Variants in NUDT3 observed in about 807,000 individuals in gnomAD.
NUDT3 encodes diphosphoinositol polyphosphate phosphohydrolase 1.
Under a neutral mutation model 23.6 loss-of-function variants are expected in NUDT3, and 9 were observed. The observed-to-expected ratio is 0.38, with a 90% CI of 0.23 to 0.66. The LOEUF is 0.66. Ranked by LOEUF, NUDT3 falls within the 30% of genes least tolerant of loss-of-function variation. The pLI is 0.52. For missense variants in NUDT3, 172 were observed against 218.5 expected (o/e 0.79, Z 1.34); for synonymous variants, 86 against 82.6 (o/e 1.04, Z -0.22).
At chr6:34,289,042 T>C (rs912341452) in intron 4 of NUDT3, 111 bp from the exon 5 acceptor site, 52 of 1,337,262 alleles carry the variant, frequency 3.9e-5, no homozygotes, top group Non-Finnish European at 4.6e-5. Context: ...ACACTTTTTT[T>C]CCTTACAAAA....
intron 1 of NUDT3, among the ~76,000 whole-genome samples, chr6:34,379,199 T>G (rs534729709): frequency 6.6e-6 from 1 of 152,204 alleles, no homozygotes; most frequent in African/African-American, 2.4e-5. Context: ...AAATAAAATT[T>G]AGATTTGCTA....
intron 4 of NUDT3, among the ~76,000 whole-genome samples, chr6:34,290,160 A>G (rs1296316917): frequency 6.6e-6 from 1 of 152,158 alleles, no homozygotes. Context: ...ACTGGCTGCT[A>G]AAAGAATGTG....
At chr6:34,326,366 C>T (rs1764030345) in intron 2 of NUDT3, among the ~76,000 whole-genome samples, 1 of 152,188 alleles carries the variant, frequency 6.6e-6, no homozygotes, top group Non-Finnish European at 1.5e-5. Context: ...AAACTATCTT[C>T]TAAGAGGTTG....
In NUDT3 at chr6:34,286,438, T is replaced by C. The variant is rs571666854; in HGVS notation, c.*2315A>G. 1 of 152,304 alleles carries C rather than the reference T, an allele frequency of 6.6e-6. No individual in the cohort carries two copies. The highest frequency in any genetic ancestry group is 2.1e-4 in the South Asian group (1 of 4,828). 9.4% of individuals were successfully genotyped at this position (152,304 alleles called of 1,614,324 possible). On this transcript the variant is annotated 3_prime_UTR_variant, in exon 5 of 5. Coordinates refer to ENST00000607016, the MANE Select transcript of NUDT3 (RefSeq NM_006703.4). ...TTCCTGCAAAGTACTTTCAAATCCA[T>C]ACCATAAAGGTAGAATTTATCTGGA...
intron 1 of NUDT3, 149 bp downstream of exon 1, chr6:34,392,115 T>C (rs2113776617): frequency 3.3e-6 from 2 of 601,076 alleles, no homozygotes; most frequent in South Asian, 4.2e-5. Context: ...CCTTCCCCCT[T>C]TTTTCGCCTC....
At chr6:34,357,957 T>C (rs370956841) in intron 1 of NUDT3, among the ~76,000 whole-genome samples, 5 of 152,182 alleles carry the variant, frequency 3.3e-5, no homozygotes, top group Non-Finnish European at 7.3e-5. Flanking sequence ...TTCCCATCTA[T>C]GTAAAAATTA....
intron 2 of NUDT3, among the ~76,000 whole-genome samples, chr6:34,311,397 T>G (rs1032014888): frequency 2.0e-5 from 3 of 152,098 alleles, no homozygotes; most frequent in African/African-American, 7.2e-5. Context: ...ACAAGATCTA[T>G]ATAAAAAAAC....
rs1763307055 is a variant in NUDT3, at chr6:34,283,892, A to C, written c.*4861T>G. Reference sequence around the variant, plus strand: ...TTTTAGGTGATATCCCAAGTGACACAGAAACACAGCTCCTCCGGATGGTGA... The same window carrying C: ...TTTTAGGTGATATCCCAAGTGACACCGAAACACAGCTCCTCCGGATGGTGA... On this transcript the variant is annotated 3_prime_UTR_variant, in exon 5 of 5. Transcript: ENST00000607016. 1 of 152,236 alleles carries C rather than the reference A, an allele frequency of 6.6e-6. No individual in the cohort carries two copies. Among genetic ancestry groups the C allele is most frequent in the Admixed American group, 6.5e-5 (1 of 15,288 alleles). 9.4% of individuals were successfully genotyped at this position (152,236 alleles called of 1,614,324 possible).
chr6:34,351,214 A>T (rs943603892), intron 1 of NUDT3, among the ~76,000 whole-genome samples: 1 of 136,264 alleles, frequency 7.3e-6, no homozygotes, highest in Non-Finnish European at 1.6e-5. Flanking sequence ...AAAAAAAAAA[A>T]AAAAAAAAAA....
At chr6:34,296,659 G>A (rs1763503914) in intron 2 of NUDT3, among the ~76,000 whole-genome samples, 1 of 152,082 alleles carries the variant, frequency 6.6e-6, no homozygotes, top group Non-Finnish European at 1.5e-5. Flanking sequence ...CATACTAAAT[G>A]CCTAATTTGA....
intron 4 of NUDT3, among the ~76,000 whole-genome samples, chr6:34,289,401 T>C (rs533817144): frequency 6.6e-6 from 1 of 152,242 alleles, no homozygotes; most frequent in African/African-American, 2.4e-5. Flanking sequence ...ACTCTGTCTC[T>C]ACAAAAAATA....
rs1561915121 is a variant in NUDT3, at chr6:34,351,215, A to AAAAAAAAAAAAAAAAC, written c.100-9244_100-9243insGTTTTTTTTTTTTTTT. On this transcript the variant is annotated intron_variant, in intron 1 of 4. Coordinates refer to ENST00000607016, the MANE Select transcript of NUDT3 (RefSeq NM_006703.4). The stretch of plus-strand genomic sequence containing the variant: ...CCCCTGCCTAAAAAAAAAAAAAAAA[A>AAAAAAAAAAAAAAAAC]AAAAAAAAAAACACTTTGGGAGGCC... Among the ~76,000 whole-genome samples, 6 of 136,972 alleles carry AAAAAAAAAAAAAAAAC rather than the reference A, an allele frequency of 4.4e-5. No individual in the cohort carries two copies. In the East Asian group the frequency reaches 1.1e-3, roughly 24 times the overall value. 89.9% of individuals were successfully genotyped at this position (136,972 alleles called of 152,430 possible).
intron 1 of NUDT3, among the ~76,000 whole-genome samples, chr6:34,361,761 T>A (rs1295470325): frequency 6.6e-6 from 1 of 152,096 alleles, no homozygotes; most frequent in Non-Finnish European, 1.5e-5. Context: ...GAAGCCAACA[T>A]GAAAAGGCCA....
chr6:34,361,854 CAG>C (rs1764655262), intron 1 of NUDT3, among the ~76,000 whole-genome samples: 1 of 152,068 alleles, frequency 6.6e-6, no homozygotes, highest in African/African-American at 2.4e-5. Flanking sequence ...TAGGGGTGAG[CAG>C]AGAGGGAGGG....
intron 2 of NUDT3, among the ~76,000 whole-genome samples, chr6:34,332,702 T>C (rs1026111441): frequency 6.6e-6 from 1 of 152,220 alleles, no homozygotes; most frequent in Non-Finnish European, 1.5e-5. Context: ...TATAAGGCGC[T>C]TGAGCATCGG....
intron 2 of NUDT3, among the ~76,000 whole-genome samples, chr6:34,340,928 G>T (rs1396744189): frequency 6.6e-6 from 1 of 152,152 alleles, no homozygotes; most frequent in Non-Finnish European, 1.5e-5. Context: ...GATATTCCAA[G>T]GGTAAGATTA....
chr6:34,367,744 T>C lies in NUDT3; in HGVS notation c.99+24520A>G, dbSNP rs1180558822. Among the ~76,000 whole-genome samples the C allele has an allele frequency of 2.6e-5, 4 of 152,216 alleles. No individual in the cohort carries two copies. In the East Asian group the frequency reaches 7.7e-4, roughly 29 times the overall value. ...TTACCATAAAATAAAAACTTGCTTC[T>C]AGCCTTGCATTTGGACATTGCTGCT... On this transcript the variant is annotated intron_variant, in intron 1 of 4. Coordinates refer to ENST00000607016, the MANE Select transcript of NUDT3 (RefSeq NM_006703.4).
chr6:34,345,125 T>A (rs1764344860), intron 1 of NUDT3, among the ~76,000 whole-genome samples: 1 of 151,790 alleles, frequency 6.6e-6, no homozygotes, highest in South Asian at 2.1e-4. Context: ...TTTGGCTCAC[T>A]GCAATCTCTG....
chr6:34,368,759 C>A (rs1764779279), intron 1 of NUDT3, among the ~76,000 whole-genome samples: 1 of 152,188 alleles, frequency 6.6e-6, no homozygotes, highest in African/African-American at 2.4e-5. Context: ...CTGCCTCAGC[C>A]TCCTGAGTAG....
Sources: gnomAD v4.1 joint callset for allele counts (sites outside exome capture counted in the v4.1 genomes callset) on GRCh38, gnomAD v4.1.1 for gene constraint, MANE v1.5 for transcripts, NCBI Gene and HGNC (gene_info 2026-07-23, HGNC 2026-07-21) for gene names.